Variants in GRIP1 observed in about 807,000 individuals in gnomAD.
GRIP1 encodes the protein glutamate receptor interacting protein 1.
A neutral mutation model predicts 129.9 loss-of-function variants in GRIP1; 45 were observed. The observed-to-expected ratio is 0.35, with a 90% confidence interval of 0.27 to 0.44. GRIP1 has a LOEUF of 0.44. GRIP1 is among the 20% of genes least tolerant of loss of function. The pLI is 1.00. For synonymous variants in GRIP1, 530 were observed against 520.8 expected (o/e 1.02, Z -0.24); for missense variants, 1,196 against 1,396.8 (o/e 0.86, Z 2.29).
At chr12:66,529,363 C>T (rs2061369125) in intron 5 of GRIP1, among the ~76,000 whole-genome samples, 1 of 152,152 alleles carries the variant, frequency 6.6e-6, no homozygotes, top group East Asian at 1.9e-4. Flanking sequence ...GCACGATTTG[C>T]AATTGCAAAA....
At chr12:66,872,672 T>C (rs1252282) in intron 1 of GRIP1, among the ~76,000 whole-genome samples, 150,000 of 152,120 alleles carry the variant, frequency 0.99, 74,007 homozygotes, top group East Asian at 1. Context: ...TCTAAATGTG[T>C]AAATTTATTC....
chr12:66,908,937 T>C (rs1304508738), intron 1 of GRIP1, among the ~76,000 whole-genome samples: 8 of 152,206 alleles, frequency 5.3e-5, no homozygotes, highest in African/African-American at 1.9e-4. Flanking sequence ...TCAGACATAG[T>C]AACTCTATCT....
chr12:66,899,536 T>C (rs1385819426), intron 1 of GRIP1, among the ~76,000 whole-genome samples: 1 of 152,074 alleles, frequency 6.6e-6, no homozygotes, highest in Non-Finnish European at 1.5e-5. Context: ...CTATTTTTTT[T>C]TAATTTTTTA....
At chr12:67,004,512 G>C (rs2042598880) in intron 1 of GRIP1, among the ~76,000 whole-genome samples, 1 of 152,050 alleles carries the variant, frequency 6.6e-6, no homozygotes. Flanking sequence ...AGGACTCCAG[G>C]AAAGAGATAG....
intron 1 of GRIP1, among the ~76,000 whole-genome samples, chr12:66,908,193 G>C (rs183077864): frequency 2.6e-3 from 399 of 152,210 alleles, no homozygotes; most frequent in African/African-American, 9.3e-3. Flanking sequence ...AGATGCTAAT[G>C]ACATTCCATC....
At chr12:67,050,268 C>T (rs2043321728) in intron 1 of GRIP1, among the ~76,000 whole-genome samples, 1 of 152,056 alleles carries the variant, frequency 6.6e-6, no homozygotes, top group Non-Finnish European at 1.5e-5. Flanking sequence ...TCAGAAATTC[C>T]TTCTTTGCCC....
At chr12:66,559,673 G>A (rs899422417) in intron 2 of GRIP1, among the ~76,000 whole-genome samples, 3 of 151,932 alleles carry the variant, frequency 2.0e-5, no homozygotes, top group African/African-American at 7.2e-5. Context: ...AATTGAAGAG[G>A]ACACACAAAA....
chr12:67,040,358 TTC>T (rs1428214353), intron 1 of GRIP1, among the ~76,000 whole-genome samples: 2 of 152,210 alleles, frequency 1.3e-5, no homozygotes, highest in Non-Finnish European at 2.9e-5. Flanking sequence ...ATGTTTTAAG[TTC>T]TGTTTCTTAG....
chr12:66,624,350 C>A (rs570602545), intron 1 of GRIP1, among the ~76,000 whole-genome samples: 1 of 152,188 alleles, frequency 6.6e-6, no homozygotes, highest in South Asian at 2.1e-4. Context: ...AGATGATTTA[C>A]AATTTCACGT....
intron 15 of GRIP1, among the ~76,000 whole-genome samples, chr12:66,416,234 A>C (rs997710683): frequency 6.6e-6 from 1 of 152,182 alleles, no homozygotes; most frequent in African/African-American, 2.4e-5. Flanking sequence ...ACAACACACT[A>C]AAGCCAATGA....
At chr12:66,943,833 C>T (rs1485650416) in intron 1 of GRIP1, among the ~76,000 whole-genome samples, 1 of 152,112 alleles carries the variant, frequency 6.6e-6, no homozygotes, top group African/African-American at 2.4e-5. Context: ...ATATATTTGA[C>T]TCAATATATT....
intron 1 of GRIP1, among the ~76,000 whole-genome samples, chr12:66,617,085 T>TTGTGTGTGTGTGTGTGTGTGTG (rs71436017): frequency 1.5e-5 from 2 of 135,450 alleles, no homozygotes; most frequent in African/African-American, 5.7e-5. Context: ...AACAGACGTT[T>TTGTGTGTGTGTGTGTGTGTGTG]TGTGTGTGTG....
At chr12:66,566,739 A>C (rs1156739175) in intron 2 of GRIP1, among the ~76,000 whole-genome samples, 1 of 152,124 alleles carries the variant, frequency 6.6e-6, no homozygotes, top group Non-Finnish European at 1.5e-5. Flanking sequence ...TTCGGCTGTG[A>C]ATCCGTCTTC....
At chr12:66,683,167 C>T (rs1592739928), upstream of GRIP1, among the ~76,000 whole-genome samples, 1 of 152,184 alleles carries the variant, frequency 6.6e-6, no homozygotes, top group South Asian at 2.1e-4. Context: ...CCCACTTTTT[C>T]ATCTCCTTAC....
At chr12:66,621,189 A>T (rs2065252050) in intron 1 of GRIP1, among the ~76,000 whole-genome samples, 1 of 152,138 alleles carries the variant, frequency 6.6e-6, no homozygotes, top group Admixed American at 6.6e-5. Flanking sequence ...TTGTGCACCC[A>T]TCACCCCTAT....
chr12:66,610,214 A>G (rs2064731981), intron 1 of GRIP1, among the ~76,000 whole-genome samples: 1 of 152,124 alleles, frequency 6.6e-6, no homozygotes. Context: ...ATATACATAT[A>G]TATACACACA....
intron 1 of GRIP1, among the ~76,000 whole-genome samples, chr12:66,662,381 T>C (rs943171547): frequency 8.5e-5 from 13 of 152,158 alleles, no homozygotes; most frequent in Non-Finnish European, 1.6e-4. Flanking sequence ...TTAAACACAG[T>C]ATGGTGGAAA....
intron 7 of GRIP1, among the ~76,000 whole-genome samples, chr12:66,475,649 A>G (rs1298426485): frequency 6.6e-6 from 1 of 152,240 alleles, no homozygotes; most frequent in Non-Finnish European, 1.5e-5. Flanking sequence ...CAGTGCAATC[A>G]AAATAGAACT....
At chr12:67,050,128 G>A (rs536544787) in intron 1 of GRIP1, among the ~76,000 whole-genome samples, 2 of 151,948 alleles carry the variant, frequency 1.3e-5, no homozygotes, top group African/African-American at 4.8e-5. Flanking sequence ...TTAAACTTTT[G>A]TCTTTTATGT....
Sources: gnomAD v4.1 joint callset for allele counts (sites outside exome capture counted in the v4.1 genomes callset) on GRCh38, gnomAD v4.1.1 for gene constraint, MANE v1.5 for transcripts, NCBI Gene and HGNC (gene_info 2026-07-23, HGNC 2026-07-21) for gene names.